OSBPL5: variants seen among roughly 807,000 people sequenced by gnomAD.
OSBPL5 encodes oxysterol binding protein like 5.
In OSBPL5, 71 loss-of-function variants were observed where a neutral mutation model predicts 111.2. The ratio of observed to expected loss-of-function variants is 0.64; its 90% CI spans 0.53 to 0.78. OSBPL5 has a LOEUF of 0.78. OSBPL5 is among the 30% of genes least tolerant of loss of function. The pLI, the probability that OSBPL5 is intolerant of heterozygous loss-of-function variation, is 0.00. For synonymous variants in OSBPL5, 549 were observed against 513.9 expected, an observed-to-expected ratio of 1.07 and a Z score of -0.93; for missense variants, 1,210 against 1,189.3, an observed-to-expected ratio of 1.02 and a Z score of -0.26.
intron 1 of OSBPL5, among the ~76,000 whole-genome samples, chr11:3,152,983 C>T (rs898459403): frequency 2.0e-5 from 3 of 152,012 alleles, no homozygotes; most frequent in East Asian, 1.9e-4. Flanking sequence ...CAGCAGTGGG[C>T]GGGAATGAGC....
rs1336041868 is a variant in OSBPL5 at position 3,113,099 on chromosome 11, C to T, written c.692-5154G>A. On this transcript the variant is annotated intron_variant, in intron 7 of 21. Transcript: ENST00000263650. This position sits in a 1 kb window ranked among gnomAD's most constrained non-coding sequence, Gnocchi z 4.8. ...ATTGATTGGCTTAAGAAAGTAAATG[C>T]ACTTGAATCAAATACTTGATCAGGA... 6.6e-6 allele frequency among the ~76,000 whole-genome samples: 1 copy of T among 152,070 alleles called. No individual in the cohort carries two copies. The highest frequency in any genetic ancestry group is 1.5e-5 in the Non-Finnish European group (1 of 68,020).
intron 10 of OSBPL5, among the ~76,000 whole-genome samples, chr11:3,103,784 G>GCCC (rs201532517): frequency 2.0e-4 from 13 of 65,774 alleles, no homozygotes; most frequent in Middle Eastern, 9.8e-3. Flanking sequence ...AGCCTCTGCA[G>GCCC]TCCCTTCCTG....
At chr11:3,101,335 C>A (rs894914298) in intron 13 of OSBPL5, among the ~76,000 whole-genome samples, 1 of 152,130 alleles carries the variant, frequency 6.6e-6, no homozygotes, top group African/African-American at 2.4e-5. Flanking sequence ...GCTGCTCAGC[C>A]CCAGTCCGCA....
chr11:3,157,693 C>T (rs1423943571), intron 1 of OSBPL5, among the ~76,000 whole-genome samples: 1 of 152,244 alleles, frequency 6.6e-6, no homozygotes, highest in East Asian at 1.9e-4. Context: ...CCTCGGCCGG[C>T]TGGGGACTGA....
chr11:3,137,683 C>T (rs116910952), intron 1 of OSBPL5, among the ~76,000 whole-genome samples: 2,348 of 152,336 alleles, frequency 0.015, 16 homozygotes, highest in Non-Finnish European at 0.025. Context: ...GTGGCACATG[C>T]CTGTGGTCCC....
In OSBPL5 at chr11:3,164,624, C is replaced by A. The variant is rs568694519; in HGVS notation, c.-22+592G>T. Among the ~76,000 whole-genome samples the A allele has an allele frequency of 2.0e-5, 3 of 152,320 alleles. No individual in the cohort carries two copies. The East Asian group carries it at 5.8e-4, about 29-fold the overall frequency. On this transcript the variant is annotated intron_variant, in intron 1 of 21. Transcript: ENST00000263650. Reference sequence around the variant, plus strand: ...TCCACATCTTCAGGGGGTCAGTGCCCCAGAGATGGGGGCTGTGGGCAAGGT... The same window carrying A: ...TCCACATCTTCAGGGGGTCAGTGCCACAGAGATGGGGGCTGTGGGCAAGGT...
chr11:3,152,633 C>T lies in OSBPL5; in HGVS notation c.-22+12583G>A, dbSNP rs74558410. 3.2e-3 allele frequency among the ~76,000 whole-genome samples: 487 copies of T among 152,294 alleles called. 1 individual carries two copies. The highest frequency in any genetic ancestry group is 0.011 in the African/African-American group (453 of 41,558). ...GATGGGCTCGGGCTCAGGCGAGGCA[C>T]GCAGCGCCCCTAAGCCTGGCTCTAT... On this transcript the variant is annotated intron_variant, in intron 1 of 21. Coordinates refer to ENST00000263650, the MANE Select transcript of OSBPL5 (RefSeq NM_020896.4).
intron 14 of OSBPL5, among the ~76,000 whole-genome samples, chr11:3,097,044 A>G (rs1857289340): frequency 3.4e-4 from 4 of 11,856 alleles, no homozygotes; most frequent in Non-Finnish European, 3.2e-4. Flanking sequence ...AAGAGGGAAG[A>G]CAGGAGAAGG....
intron 1 of OSBPL5, among the ~76,000 whole-genome samples, chr11:3,134,285 A>G (rs914370341): frequency 1.3e-5 from 2 of 152,200 alleles, no homozygotes; most frequent in Non-Finnish European, 2.9e-5. Flanking sequence ...TGTGTTTGCC[A>G]CTGTAGCCAT....
intron 17 of OSBPL5, 87 bp downstream of exon 17, chr11:3,093,440 G>C (rs75015961): frequency 0.023 from 35,164 of 1,544,240 alleles, 543 homozygotes; most frequent in Middle Eastern, 0.047. Flanking sequence ...CTGGGGCCAT[G>C]CTCACAGCAC....
chr11:3,156,470 T>A (rs34820287), intron 1 of OSBPL5, among the ~76,000 whole-genome samples: 50,577 of 151,932 alleles, frequency 0.33, 9,280 homozygotes, highest in Non-Finnish European at 0.41. Context: ...TGTTTATGGA[T>A]CCATCCATAT....
At position 3,110,945 on chromosome 11, in the gene OSBPL5, C is replaced by G. The variant is rs1016486141; in HGVS notation, c.692-3000G>C. 3.3e-5 allele frequency among the ~76,000 whole-genome samples: 5 copies of G among 152,256 alleles called. No homozygotes were observed. Among genetic ancestry groups the G allele is most frequent in the African/African-American group, 1.2e-4 (5 of 41,540 alleles). On this transcript the variant is annotated intron_variant, in intron 7 of 21. Coordinates refer to ENST00000263650, the MANE Select transcript of OSBPL5 (RefSeq NM_020896.4). The surrounding 1 kb of genome is among the most constrained non-coding windows in gnomAD (Gnocchi z 5.3). ...CACAGGTAGGCGTCTTCAACCTTGG[C>G]AAAATAAACTTTCTAAATTAACTGA...
In OSBPL5 at chr11:3,087,853, CCCA is replaced by C. The variant is rs369548815; in HGVS notation, c.*349_*351del. The C allele has an allele frequency of 1.9e-3, 361 of 185,142 alleles. 1 individual carries two copies. The highest frequency in any genetic ancestry group is 8.0e-3 in the African/African-American group (344 of 42,834). 11.5% of individuals were successfully genotyped at this position (185,142 alleles called of 1,614,324 possible). ...TGCTGGGGTGTGACTGTCCAGGGCC[CCCA>C]CAGGCCCTCCCACCCTAAATCCATC... On this transcript the variant is annotated 3_prime_UTR_variant, in exon 22 of 22. Transcript: ENST00000263650.
At chr11:3,129,344 G>C (rs1211117806) in intron 1 of OSBPL5, 175 bp from the exon 2 acceptor site, 7 of 505,028 alleles carry the variant, frequency 1.4e-5, no homozygotes, top group Non-Finnish European at 2.3e-5. Context: ...GGACAGCCCA[G>C]CTCAGGCGAA....
intron 1 of OSBPL5, among the ~76,000 whole-genome samples, chr11:3,160,381 G>A (rs760391867): frequency 1.1e-4 from 17 of 152,176 alleles, no homozygotes; most frequent in Admixed American, 3.3e-4. Flanking sequence ...TAGGCGGGCA[G>A]GAGCGGGACG....
intron 14 of OSBPL5, among the ~76,000 whole-genome samples, chr11:3,098,434 T>C (rs968381916): frequency 6.8e-6 from 1 of 146,954 alleles, no homozygotes; most frequent in East Asian, 2.0e-4. Flanking sequence ...AACAAAAACC[T>C]TCAATCAGCA....
intron 1 of OSBPL5, among the ~76,000 whole-genome samples, chr11:3,137,497 A>G (rs1030593446): frequency 4.6e-5 from 7 of 152,218 alleles, no homozygotes; most frequent in African/African-American, 1.7e-4. Flanking sequence ...AGCAGGGGTC[A>G]TCATCACATT....
Position 3,158,604 on chromosome 11 carries a change from T to C in OSBPL5, c.-22+6612A>G, listed in dbSNP as rs539977851. 2.0e-5 allele frequency among the ~76,000 whole-genome samples: 3 copies of C among 152,278 alleles called. No homozygotes were observed. In the East Asian group the frequency reaches 5.8e-4, roughly 29 times the overall value. ...AGACTCACGGAGCATCAGTGACACA[T>C]GAGACCTCTTCTGGGCTGCACACTG... On this transcript the variant is annotated intron_variant, in intron 1 of 21. Transcript: ENST00000263650.
chr11:3,129,999 G>C (rs899243095), intron 1 of OSBPL5, among the ~76,000 whole-genome samples: 2 of 152,218 alleles, frequency 1.3e-5, no homozygotes, highest in Admixed American at 6.5e-5. Context: ...CCTGGAAGGA[G>C]AGAGGACAAC....
Sources: gnomAD v4.1 joint callset for allele counts (sites outside exome capture counted in the v4.1 genomes callset) on GRCh38, gnomAD v4.1.1 for gene constraint, Gnocchi (gnomAD v3.1) non-coding constraint, MANE v1.5 for transcripts, NCBI Gene and HGNC (gene_info 2026-07-23, HGNC 2026-07-21) for gene names.